PCSK1: variants seen among roughly 807,000 people sequenced by gnomAD.
PCSK1 encodes the protein proprotein convertase subtilisin/kexin type 1.
In PCSK1, 56 loss-of-function variants were observed where a neutral mutation model predicts 90.6. That is an observed-to-expected ratio of 0.62 (90% CI 0.50 to 0.77). PCSK1 has a LOEUF of 0.77. Ranked by LOEUF, PCSK1 falls within the 30% of genes least tolerant of loss-of-function variation. The pLI, the probability that PCSK1 is intolerant of heterozygous loss-of-function variation, is 0.00. For missense variants in PCSK1, 801 were observed against 932.6 expected, an observed-to-expected ratio of 0.86 and a Z score of 1.84; for synonymous variants, 348 against 342.4, an observed-to-expected ratio of 1.02 and a Z score of -0.18.
intron 5 of PCSK1, among the ~76,000 whole-genome samples, chr5:96,420,782 A>C (rs1761102123): frequency 7.6e-6 from 1 of 132,250 alleles, no homozygotes; most frequent in Non-Finnish European, 1.6e-5. Context: ...GGAGAGAGAG[A>C]GAGAAAGAGA....
chr5:96,420,741 G>A lies in PCSK1; in HGVS notation c.620+1139C>T, dbSNP rs141759619. 3.9e-3 allele frequency among the ~76,000 whole-genome samples: 568 copies of A among 145,890 alleles called. 3 individuals are homozygous for A. The highest frequency in any genetic ancestry group is 0.014 in the African/African-American group (548 of 39,614). On this transcript the variant is annotated intron_variant, in intron 5 of 13. Transcript: ENST00000311106. Reference sequence around the variant, plus strand: ...GAGTTCTGAGGGAGAATAAGGAAGGGAGGGAGGGAGGGAGGGAGGAAGGAA... The same window carrying A: ...GAGTTCTGAGGGAGAATAAGGAAGGAAGGGAGGGAGGGAGGGAGGAAGGAA...
At chr5:96,412,888 T>TTG in intron 6 of PCSK1, 1 of 359,504 alleles carries the variant, frequency 2.8e-6, no homozygotes, top group Non-Finnish European at 4.2e-6. Flanking sequence ...ACAAAATGTT[T>TTG]GCCCTCCCTC....
intron 6 of PCSK1, chr5:96,412,968 T>C: frequency 1.0e-6 from 1 of 993,470 alleles, no homozygotes; most frequent in Non-Finnish European, 1.2e-6. Flanking sequence ...ATGCACCTCC[T>C]CATGGCTGTC....
intron 9 of PCSK1, among the ~76,000 whole-genome samples, chr5:96,403,623 GAAA>G (rs1760459189): frequency 6.6e-6 from 1 of 152,174 alleles, no homozygotes; most frequent in African/African-American, 2.4e-5. Context: ...TATGTTTACA[GAAA>G]ATAAGGGTAT....
intron 9 of PCSK1, among the ~76,000 whole-genome samples, chr5:96,404,091 A>G (rs1760475316): frequency 6.6e-6 from 1 of 152,188 alleles, no homozygotes; most frequent in African/African-American, 2.4e-5. Flanking sequence ...TAGTGCCACA[A>G]ACATTTATGC....
At chr5:96,407,337 AG>A (rs1478635644) in intron 9 of PCSK1, among the ~76,000 whole-genome samples, 1 of 152,256 alleles carries the variant, frequency 6.6e-6, no homozygotes, top group Non-Finnish European at 1.5e-5. Context: ...AAAGAGCTGA[AG>A]GGTATGAAAT....
intron 2 of PCSK1, among the ~76,000 whole-genome samples, chr5:96,427,032 G>A (rs867558338): frequency 1.3e-5 from 2 of 152,320 alleles, no homozygotes; most frequent in African/African-American, 4.8e-5. Flanking sequence ...TATCATCTGA[G>A]TTGATCTCTG....
chr5:96,427,097 CT>C (rs1426928719), intron 2 of PCSK1, among the ~76,000 whole-genome samples: 2 of 152,174 alleles, frequency 1.3e-5, no homozygotes, highest in African/African-American at 4.8e-5. Flanking sequence ...GTCACTTACA[CT>C]TGGAGATTTT....
chr5:96,424,486 C>T (rs1761221888), intron 3 of PCSK1, among the ~76,000 whole-genome samples: 1 of 152,190 alleles, frequency 6.6e-6, no homozygotes, highest in Admixed American at 6.5e-5. Flanking sequence ...AATTATTCTA[C>T]TTTCCAATAT....
At chr5:96,422,754 T>C (rs1010531875) in intron 4 of PCSK1, among the ~76,000 whole-genome samples, 1 of 152,194 alleles carries the variant, frequency 6.6e-6, no homozygotes, top group Non-Finnish European at 1.5e-5. Flanking sequence ...AGATATATGA[T>C]GGTGTTCATA....
chr5:96,400,544 C>G (rs1308397763), intron 9 of PCSK1, among the ~76,000 whole-genome samples: 1 of 152,206 alleles, frequency 6.6e-6, no homozygotes, highest in Admixed American at 6.5e-5. Context: ...TTTATGCCCT[C>G]CAGTCTCATG....
At chr5:96,412,578 T>G (rs1343949077) in intron 6 of PCSK1, 88 bp from the exon 7 acceptor site, 1 of 1,262,350 alleles carries the variant, frequency 7.9e-7, no homozygotes, top group African/African-American at 1.5e-5. Flanking sequence ...TTTGTATTTT[T>G]AAAGGATTTT....
intron 9 of PCSK1, 24 bp from the exon 10 acceptor site, chr5:96,400,210 G>A (rs752720872): frequency 6.5e-7 from 1 of 1,528,760 alleles, no homozygotes; most frequent in East Asian, 2.2e-5. Flanking sequence ...GACCCAAAGT[G>A]TCTTTCAGAG....
chr5:96,425,770 A>G (rs1259276668), intron 3 of PCSK1, 50 bp downstream of exon 3: 1 of 995,638 alleles, frequency 1.0e-6, no homozygotes, highest in South Asian at 1.3e-5. Context: ...AACAACATAA[A>G]GAAGCCAGGT....
chr5:96,397,397 A>G lies in PCSK1; in HGVS notation c.1661T>C (p.Met554Thr), dbSNP rs1760192842. 2.5e-6 allele frequency: 4 copies of G among 1,611,310 alleles called. No individual in the cohort carries two copies. Among genetic ancestry groups the G allele is most frequent in the Non-Finnish European group, 3.4e-6 (4 of 1,177,560 alleles). ...SPNGFKNWDFMSVHTWGENPI... is the reference protein window; with the variant it reads ...SPNGFKNWDFTSVHTWGENPI... ...GTTCTCTCCCCATGTGTGAACAGAC[A>G]TGAAGTCCCAATTCTTAAAGCCATT... Residue 554 changes from methionine to threonine, a missense_variant, in exon 12 of 14, where the codon ATG (methionine) becomes ACG (threonine). Transcript: ENST00000311106.
intron 1 of PCSK1, among the ~76,000 whole-genome samples, chr5:96,429,880 A>G (rs1277303928): frequency 1.3e-5 from 2 of 152,116 alleles, no homozygotes. Context: ...CTTCTATTTT[A>G]CACACATTGG....
intron 3 of PCSK1, among the ~76,000 whole-genome samples, chr5:96,425,060 GAAAGAA>G (rs1358160564): frequency 2.4e-4 from 30 of 126,610 alleles, no homozygotes; most frequent in African/African-American, 6.5e-4. Flanking sequence ...AAGAAAGAAA[GAAAGAA>G]AGAAAGAAAA....
In PCSK1 at chr5:96,397,385, G is replaced by T. The variant is rs564887144; in HGVS notation, c.1673C>A (p.Thr558Lys). Residue 558 changes from threonine (T) to lysine (K), a missense_variant, in exon 12 of 14, where the codon ACA becomes AAA. By Grantham distance (78) the Thr-to-Lys change is moderately conservative. Coordinates refer to ENST00000311106, the MANE Select transcript of PCSK1 (RefSeq NM_000439.5). ...AGTACCTATAGGGTTCTCTCCCCAT[G>T]TGTGAACAGACATGAAGTCCCAATT... Reference protein sequence around the residue: ...FKNWDFMSVHTWGENPIGTWT... With the variant: ...FKNWDFMSVHKWGENPIGTWT... 3.7e-6 allele frequency: 6 copies of T among 1,611,504 alleles called. No homozygotes were observed. In the East Asian group the frequency reaches 1.1e-4, roughly 30 times the overall value.
chr5:96,425,711 T>A, intron 3 of PCSK1, 109 bp downstream of exon 3: 1 of 691,790 alleles, frequency 1.4e-6, no homozygotes, highest in Non-Finnish European at 2.6e-6. Flanking sequence ...TATAGCTCCC[T>A]ATGAAATTCT....
Sources: allele counts gnomAD v4.1 joint callset (sites outside exome capture counted in the v4.1 genomes callset), GRCh38; gene constraint gnomAD v4.1.1; transcripts MANE v1.5; gene names NCBI Gene and HGNC (gene_info 2026-07-23, HGNC 2026-07-21).